The following PLXDC2 variants were observed in gnomAD, a reference collection of about 807,000 sequenced individuals.
PLXDC2 encodes the protein plexin domain containing 2.
Under a neutral mutation model 68.9 loss-of-function variants are expected in PLXDC2, and 40 were observed. That is an observed-to-expected ratio of 0.58 (90% CI 0.45 to 0.76). PLXDC2 has a LOEUF of 0.76. Ranked by LOEUF, PLXDC2 falls within the 30% of genes least tolerant of loss-of-function variation. PLXDC2 has a pLI of 0.00. For missense variants in PLXDC2, 644 were observed against 661.9 expected, an observed-to-expected ratio of 0.97 and a Z score of 0.30; for synonymous variants, 243 against 234.2, an observed-to-expected ratio of 1.04 and a Z score of -0.34.
chr10:20,223,140 C>A (rs533344997), intron 12 of PLXDC2, among the ~76,000 whole-genome samples: 37 of 152,166 alleles, frequency 2.4e-4, no homozygotes, highest in African/African-American at 8.4e-4. Flanking sequence ...CACACAACAT[C>A]CCTGACTTGG....
At chr10:19,967,120 T>A (rs573470449) in intron 1 of PLXDC2, among the ~76,000 whole-genome samples, 1 of 152,334 alleles carries the variant, frequency 6.6e-6, no homozygotes, top group African/African-American at 2.4e-5. Context: ...ACATTCCCCA[T>A]CTCTATCTAG....
intron 4 of PLXDC2, among the ~76,000 whole-genome samples, chr10:20,094,272 C>G (rs1564312945): frequency 6.6e-6 from 1 of 152,172 alleles, no homozygotes; most frequent in Non-Finnish European, 1.5e-5. Flanking sequence ...AGAACGTCAT[C>G]ATCAGCATTA....
At position 20,285,117 on chromosome 10, in the gene PLXDC2, T is replaced by G. The variant is rs1459955261; in HGVS notation, c.*5298T>G. On this transcript the variant is annotated 3_prime_UTR_variant, in exon 14 of 14. Transcript: ENST00000377252. Reference sequence around the variant, plus strand: ...CTGATTTTCTGACCACATATATAATTGCAATTTTTATTTGCTCTTCAAACT... The same window carrying G: ...CTGATTTTCTGACCACATATATAATGGCAATTTTTATTTGCTCTTCAAACT... The G allele has an allele frequency of 6.6e-6, 1 of 152,236 alleles. No individual in the cohort carries two copies. Among genetic ancestry groups the G allele is most frequent in the Non-Finnish European group, 1.5e-5 (1 of 68,044 alleles). The allele number at this position is 152,236 out of a possible 1,614,324, so 9.4% of individuals were successfully genotyped here.
intron 1 of PLXDC2, among the ~76,000 whole-genome samples, chr10:19,865,709 C>G (rs994768285): frequency 2.0e-5 from 3 of 152,114 alleles, no homozygotes; most frequent in African/African-American, 7.2e-5. Context: ...AGAACTGAGA[C>G]CTTAAAAATG....
intron 1 of PLXDC2, among the ~76,000 whole-genome samples, chr10:19,987,647 A>G (rs935475984): frequency 5.3e-5 from 8 of 151,296 alleles, no homozygotes. Flanking sequence ...CTGCAAGCTC[A>G]GCCTCCAGGG....
At chr10:19,887,556 A>T in intron 1 of PLXDC2, among the ~76,000 whole-genome samples, 1 of 152,088 alleles carries the variant, frequency 6.6e-6, no homozygotes, top group East Asian at 1.9e-4. Context: ...AAACAAAAAA[A>T]ACCCCGAAGA....
At chr10:20,277,313 G>A (rs1264690420) in intron 13 of PLXDC2, among the ~76,000 whole-genome samples, 2 of 151,064 alleles carry the variant, frequency 1.3e-5, no homozygotes, top group Admixed American at 6.6e-5. Context: ...AGTTAGGGCC[G>A]ATTTATATAG....
At position 20,061,288 on chromosome 10, in the gene PLXDC2, C is replaced by T. The variant is rs1263473297; in HGVS notation, c.472-6882C>T. 3.9e-5 allele frequency among the ~76,000 whole-genome samples: 6 copies of T among 152,298 alleles called. No homozygotes were observed. The South Asian group carries it at 8.3e-4, about 21-fold the overall frequency. ...CCTCCTTCAATCTGTAAGAATTCCTCAGTCTTTGCCTTTCATAAACATGAC... is the reference window on the plus strand; with the variant it reads ...CCTCCTTCAATCTGTAAGAATTCCTTAGTCTTTGCCTTTCATAAACATGAC... On this transcript the variant is annotated intron_variant, in intron 3 of 13. Transcript: ENST00000377252.
At chr10:20,279,337 T>A (rs1308421630) in intron 13 of PLXDC2, among the ~76,000 whole-genome samples, 1 of 152,058 alleles carries the variant, frequency 6.6e-6, no homozygotes, top group African/African-American at 2.4e-5. Context: ...GAAGAGAGAG[T>A]GTCTGTGCCC....
chr10:20,096,232 C>T (rs185046398), intron 4 of PLXDC2, among the ~76,000 whole-genome samples: 37 of 152,214 alleles, frequency 2.4e-4, no homozygotes, highest in African/African-American at 8.4e-4. Context: ...TCTCTGTGCA[C>T]GTTTCAGTTT....
At chr10:20,093,822 C>T (rs948186928) in intron 4 of PLXDC2, among the ~76,000 whole-genome samples, 2 of 152,080 alleles carry the variant, frequency 1.3e-5, no homozygotes, top group African/African-American at 2.4e-5. Flanking sequence ...CAAAGGTTAG[C>T]ACCACCATGC....
chr10:19,851,792 C>A (rs1252235927), intron 1 of PLXDC2, among the ~76,000 whole-genome samples: 1 of 152,200 alleles, frequency 6.6e-6, no homozygotes, highest in African/African-American at 2.4e-5. Context: ...AAGCAATCCA[C>A]CCTCCTTGGC....
At chr10:19,940,911 T>G (rs1364892455) in intron 1 of PLXDC2, among the ~76,000 whole-genome samples, 1 of 152,242 alleles carries the variant, frequency 6.6e-6, no homozygotes, top group African/African-American at 2.4e-5. Context: ...TTTCTGAAGC[T>G]GCCATCACAC....
chr10:19,858,938 T>C (rs1249050666), intron 1 of PLXDC2, among the ~76,000 whole-genome samples: 2 of 151,750 alleles, frequency 1.3e-5, no homozygotes, highest in African/African-American at 4.8e-5. Flanking sequence ...CGCCAACATC[T>C]ACATCTGATG....
At chr10:20,012,323 TTTTTTTTTTTTGG>T (rs1382192468) in intron 2 of PLXDC2, among the ~76,000 whole-genome samples, 13 of 19,736 alleles carry the variant, frequency 6.6e-4, no homozygotes, top group East Asian at 3.7e-3. Flanking sequence ...TTTTTTTTTT[TTTTTTTTTTTTGG>T]AGAAGGAGAC....
chr10:19,937,557 T>TATATATATATAC (rs1271098400), intron 1 of PLXDC2, among the ~76,000 whole-genome samples: 3 of 81,276 alleles, frequency 3.7e-5, no homozygotes, highest in African/African-American at 1.5e-4. Flanking sequence ...TATATATATA[T>TATATATATATAC]ATATATATAT....
chr10:19,956,910 C>T (rs2131599575), intron 1 of PLXDC2, among the ~76,000 whole-genome samples: 1 of 152,208 alleles, frequency 6.6e-6, no homozygotes, highest in South Asian at 2.1e-4. Context: ...ATAGTAAAAA[C>T]TTAAGACAAC....
chr10:20,189,041 G>A lies in PLXDC2; in HGVS notation c.1061+11632G>A, dbSNP rs1458142208. On this transcript the variant is annotated intron_variant, in intron 9 of 13. Coordinates refer to ENST00000377252, the MANE Select transcript of PLXDC2 (RefSeq NM_032812.9). ...TTTCAAATTTTAATGAAGAATCTTC[G>A]CTTTTCTATTAAGCTGCTTGTCCTG... Among the ~76,000 whole-genome samples, 18 of 74,866 alleles carry A rather than the reference G, an allele frequency of 2.4e-4. 6 individuals are homozygous for A. The highest frequency in any genetic ancestry group is 8.1e-4 in the Non-Finnish European group (17 of 20,900). 49.1% of individuals were successfully genotyped at this position (74,866 alleles called of 152,430 possible). A position where few individuals can be genotyped will look rare whatever the true frequency, so the allele number is the denominator to read the frequency against.
rs539659642 is a variant in PLXDC2 at position 20,281,396 on chromosome 10, G to C, written c.*1577G>C. On this transcript the variant is annotated 3_prime_UTR_variant, in exon 14 of 14. Transcript: ENST00000377252. ...TTACACTCTGTGCCAAGAAACTGTT[G>C]GCTTTTGTAAGGTACAGTGCTCAAC... 1.3e-5 allele frequency: 2 copies of C among 152,032 alleles called. No homozygotes were observed. The highest frequency in any genetic ancestry group is 1.5e-5 in the Non-Finnish European group (1 of 67,992). 9.4% of individuals were successfully genotyped at this position (152,032 alleles called of 1,614,324 possible). A position where few individuals can be genotyped will look rare whatever the true frequency, so the allele number is the denominator to read the frequency against.
Sources: gnomAD v4.1 joint callset for allele counts (sites outside exome capture counted in the v4.1 genomes callset) on GRCh38, gnomAD v4.1.1 for gene constraint, MANE v1.5 for transcripts, NCBI Gene and HGNC (gene_info 2026-07-23, HGNC 2026-07-21) for gene names.